Variants in XKR9 observed in about 807,000 individuals in gnomAD.
The protein encoded by XKR9 is XK related 9.
XKR9 carries 32 observed loss-of-function variants against 32.0 expected under a neutral mutation model. The ratio of observed to expected loss-of-function variants is 1.00; its 90% CI spans 0.76 to 1.34. XKR9 has a LOEUF of 1.34. Among genes scored for constraint, XKR9 ranks in the 40% most tolerant of loss-of-function variants. The probability of loss-of-function intolerance (pLI) is 0.00; values close to 1 mark genes in which losing one functional copy is unlikely to be tolerated. For missense variants in XKR9, 546 were observed against 429.7 expected (o/e 1.27, Z -2.39); for synonymous variants, 168 against 143.4 (o/e 1.17, Z -1.22).
the XKR9 span, among the ~76,000 whole-genome samples, chr8:70,799,650 T>A: frequency 5.4e-3 from 825 of 152,272 alleles, 12 homozygotes; most frequent in African/African-American, 0.019. Flanking sequence ...ATTCTTGATT[T>A]GTCTCTCAGT....
intron 2 of XKR9, among the ~76,000 whole-genome samples, chr8:70,764,424 TTCTC>T (rs772488873): frequency 7.2e-5 from 11 of 152,238 alleles, no homozygotes; most frequent in African/African-American, 2.6e-4. Context: ...TTTTGCTGCT[TTCTC>T]TCTCTCTGTT....
At chr8:70,750,262 C>T (rs1045210072) in intron 2 of XKR9, among the ~76,000 whole-genome samples, 4 of 152,118 alleles carry the variant, frequency 2.6e-5, no homozygotes, top group Non-Finnish European at 4.4e-5. Context: ...GTGAACTCTG[C>T]ATAGAATTTC....
chr8:70,916,225 T>C, the XKR9 span, among the ~76,000 whole-genome samples: 4 of 152,352 alleles, frequency 2.6e-5, no homozygotes, highest in Admixed American at 1.3e-4. Flanking sequence ...ACTGGGTTAT[T>C]GGGTAATTAT....
At chr8:70,784,089 G>GT (rs1191438461) in intron 2 of XKR9, among the ~76,000 whole-genome samples, 2 of 152,174 alleles carry the variant, frequency 1.3e-5, no homozygotes, top group African/African-American at 4.8e-5. Flanking sequence ...GTACTATGCT[G>GT]TTTTGATTAC....
At chr8:70,993,750 A>T in the XKR9 span, among the ~76,000 whole-genome samples, 1 of 151,544 alleles carries the variant, frequency 6.6e-6, no homozygotes, top group Non-Finnish European at 1.5e-5. Context: ...TCTCTGTCAG[A>T]CCTTTAAAAT....
the XKR9 span, among the ~76,000 whole-genome samples, chr8:70,960,620 G>A: frequency 6.6e-6 from 1 of 152,086 alleles, no homozygotes; most frequent in Non-Finnish European, 1.5e-5. Flanking sequence ...GCTCACACCT[G>A]TAATCCCAAC....
intron 4 of XKR9, among the ~76,000 whole-genome samples, chr8:70,719,496 G>C (rs1271540474): frequency 1.3e-5 from 2 of 152,134 alleles, no homozygotes; most frequent in Non-Finnish European, 2.9e-5. Context: ...GTTTAAGGAA[G>C]GGATCAAGTT....
At chr8:70,814,843 A>T in the XKR9 span, among the ~76,000 whole-genome samples, 1 of 152,228 alleles carries the variant, frequency 6.6e-6, no homozygotes, top group Admixed American at 6.5e-5. Context: ...TATGTCTAGA[A>T]AACCCTAGAG....
At chr8:70,704,592 C>T (rs899107874) in intron 3 of XKR9, among the ~76,000 whole-genome samples, 22 of 152,190 alleles carry the variant, frequency 1.4e-4, no homozygotes, top group African/African-American at 5.1e-4. Flanking sequence ...ATTTGAACCA[C>T]GGCATTCTGG....
At chr8:70,685,206 G>A (rs1819222529) in intron 3 of XKR9, among the ~76,000 whole-genome samples, 1 of 151,292 alleles carries the variant, frequency 6.6e-6, no homozygotes, top group Non-Finnish European at 1.5e-5. Flanking sequence ...GGACATGGGT[G>A]AAATTGGAAA....
chr8:70,853,620 T>A, the XKR9 span, among the ~76,000 whole-genome samples: 48,367 of 150,918 alleles, frequency 0.32, 9,059 homozygotes, highest in Non-Finnish European at 0.43. Flanking sequence ...TGTATACATG[T>A]GCCATGTAAC....
intron 3 of XKR9, among the ~76,000 whole-genome samples, chr8:70,789,865 G>T (rs756578165): frequency 2.3e-4 from 35 of 151,822 alleles, no homozygotes; most frequent in Non-Finnish European, 4.0e-4. Flanking sequence ...CTCTTGTTTG[G>T]CAGGCAATGC....
chr8:70,816,206 C>T, the XKR9 span, among the ~76,000 whole-genome samples: 5 of 152,146 alleles, frequency 3.3e-5, no homozygotes, highest in Non-Finnish European at 7.3e-5. Context: ...TTGCACCCAA[C>T]TAATCTTTGA....
At chr8:70,701,246 G>C (rs1460036340) in intron 3 of XKR9, among the ~76,000 whole-genome samples, 1 of 152,176 alleles carries the variant, frequency 6.6e-6, no homozygotes, top group East Asian at 1.9e-4. Flanking sequence ...CGGTACCTCA[G>C]ACGGAAATGC....
chr8:70,931,348 C>T, the XKR9 span, among the ~76,000 whole-genome samples: 1 of 152,074 alleles, frequency 6.6e-6, no homozygotes, highest in Non-Finnish European at 1.5e-5. Flanking sequence ...ATATGTCCAT[C>T]TATAGCTTTT....
the XKR9 span, among the ~76,000 whole-genome samples, chr8:70,872,302 A>G: frequency 6.6e-6 from 1 of 152,232 alleles, no homozygotes; most frequent in Non-Finnish European, 1.5e-5. Flanking sequence ...AGCCCAGAGC[A>G]AAGCCACAAC....
chr8:70,961,493 C>T, the XKR9 span, among the ~76,000 whole-genome samples: 1 of 152,134 alleles, frequency 6.6e-6, no homozygotes, highest in Non-Finnish European at 1.5e-5. Context: ...CACTCTATGA[C>T]CTCTATATTC....
At chr8:70,753,129 A>G (rs1388953414) in intron 2 of XKR9, among the ~76,000 whole-genome samples, 1 of 152,254 alleles carries the variant, frequency 6.6e-6, no homozygotes, top group Non-Finnish European at 1.5e-5. Flanking sequence ...AGAGAATACT[A>G]CAAACACCTC....
At chr8:70,835,650 G>A in the XKR9 span, among the ~76,000 whole-genome samples, 1 of 151,954 alleles carries the variant, frequency 6.6e-6, no homozygotes, top group Non-Finnish European at 1.5e-5. Context: ...CTTGAACTAC[G>A]CTTCTTACAG....
Sources: gnomAD v4.1 joint callset for allele counts (sites outside exome capture counted in the v4.1 genomes callset) on GRCh38, gnomAD v4.1.1 for gene constraint, MANE v1.5 for transcripts, NCBI Gene and HGNC (gene_info 2026-07-23, HGNC 2026-07-21) for gene names.